The following VAV2 variants were observed in gnomAD, a reference collection of about 807,000 sequenced individuals.
VAV2 encodes the protein vav guanine nucleotide exchange factor 2, also known as guanine nucleotide exchange factor VAV2.
VAV2 carries 67 observed loss-of-function variants against 132.5 expected under a neutral mutation model. That is an observed-to-expected ratio of 0.51 (90% CI 0.42 to 0.62). The LOEUF (loss-of-function observed/expected upper bound fraction) is 0.62. Ranked by LOEUF, VAV2 falls within the 20% of genes least tolerant of loss-of-function variation. The probability of loss-of-function intolerance (pLI) is 0.00; values close to 1 mark genes in which losing one functional copy is unlikely to be tolerated. For synonymous variants in VAV2, 492 were observed against 443.5 expected (o/e 1.11, Z -1.37); for missense variants, 938 against 1,153.6 (o/e 0.81, Z 2.71).
chr9:133,983,290 G>T (rs1564524843), intron 1 of VAV2, among the ~76,000 whole-genome samples: 1 of 152,164 alleles, frequency 6.6e-6, no homozygotes, highest in Non-Finnish European at 1.5e-5. Flanking sequence ...TCAAAAGAGG[G>T]CATCACGCTG....
intron 1 of VAV2, among the ~76,000 whole-genome samples, chr9:133,966,326 T>TC (rs1292513470): frequency 3.3e-5 from 5 of 152,202 alleles, no homozygotes; most frequent in African/African-American, 1.2e-4. Flanking sequence ...AAGCAAACAA[T>TC]CAACAGAGTG....
chr9:133,794,175 C>T lies in VAV2; in HGVS notation c.1101+1493G>A. Among the ~76,000 whole-genome samples, 1 of 152,142 alleles carries T rather than the reference C, an allele frequency of 6.6e-6. No individual in the cohort carries two copies. Among genetic ancestry groups the T allele is most frequent in the Non-Finnish European group, 1.5e-5 (1 of 68,018 alleles). ...CACCTGCTGTCACTGTCTCAGAGCCCCCGAGGACGCATCCACGCTGGCTCA... is the reference window on the plus strand; with the variant it reads ...CACCTGCTGTCACTGTCTCAGAGCCTCCGAGGACGCATCCACGCTGGCTCA... On this transcript the variant is annotated intron_variant, in intron 12 of 29. Transcript: ENST00000371850. This position sits in a 1 kb window ranked among gnomAD's most constrained non-coding sequence, Gnocchi z 4.6.
chr9:133,901,160 C>T (rs1041486809), intron 2 of VAV2, among the ~76,000 whole-genome samples: 3 of 152,166 alleles, frequency 2.0e-5, no homozygotes, highest in African/African-American at 7.2e-5. Context: ...CCAACACTCT[C>T]AACTGATATT....
chr9:133,814,723 C>G (rs1326606177), intron 4 of VAV2, among the ~76,000 whole-genome samples: 2 of 152,192 alleles, frequency 1.3e-5, no homozygotes, highest in Non-Finnish European at 2.9e-5. Flanking sequence ...CTCTCCCCCA[C>G]CACTCAGGAG....
chr9:133,939,872 C>A (rs546923575), intron 1 of VAV2, among the ~76,000 whole-genome samples: 3 of 152,342 alleles, frequency 2.0e-5, no homozygotes, highest in African/African-American at 7.2e-5. Context: ...GGAGGGAGCA[C>A]AAAAGCCAGA....
chr9:133,911,706 C>G (rs1188853579), intron 2 of VAV2, among the ~76,000 whole-genome samples: 1 of 152,222 alleles, frequency 6.6e-6, no homozygotes, highest in African/African-American at 2.4e-5. Context: ...CTCCTGACCT[C>G]TGCATCACAC....
chr9:133,815,524 T>C (rs1011209647), intron 4 of VAV2, among the ~76,000 whole-genome samples: 4 of 152,106 alleles, frequency 2.6e-5, no homozygotes, highest in Non-Finnish European at 5.9e-5. Context: ...GCCTTGTCTG[T>C]AGAATGTCAA....
intron 2 of VAV2, among the ~76,000 whole-genome samples, chr9:133,897,088 C>A (rs1839239629): frequency 6.6e-6 from 1 of 151,980 alleles, no homozygotes; most frequent in Non-Finnish European, 1.5e-5. Flanking sequence ...AGCGAGACTC[C>A]ATCTCAAAAA....
At chr9:133,817,850 C>G (rs546218194) in intron 4 of VAV2, among the ~76,000 whole-genome samples, 1 of 152,092 alleles carries the variant, frequency 6.6e-6, no homozygotes, top group South Asian at 2.1e-4. Context: ...CCTCTAAGTC[C>G]GTGACCGTAT....
chr9:133,963,557 G>A (rs1842032743), intron 1 of VAV2, among the ~76,000 whole-genome samples: 1 of 152,234 alleles, frequency 6.6e-6, no homozygotes, highest in Non-Finnish European at 1.5e-5. Context: ...ACCAAGGTAG[G>A]CTTTCTACAC....
At chr9:133,893,561 C>G (rs1011733544) in intron 2 of VAV2, among the ~76,000 whole-genome samples, 1 of 152,210 alleles carries the variant, frequency 6.6e-6, no homozygotes, top group Non-Finnish European at 1.5e-5. Context: ...CCAAGATGGC[C>G]GACACCCACT....
chr9:133,894,764 T>C (rs1421536862), intron 2 of VAV2, among the ~76,000 whole-genome samples: 1 of 152,148 alleles, frequency 6.6e-6, no homozygotes, highest in Non-Finnish European at 1.5e-5. Context: ...GCGCCCACCC[T>C]GGACCCCCAG....
At chr9:133,871,435 T>C (rs1275509013) in intron 2 of VAV2, among the ~76,000 whole-genome samples, 2 of 147,234 alleles carry the variant, frequency 1.4e-5, no homozygotes, top group African/African-American at 5.1e-5. Context: ...GATGGATGGA[T>C]TGATTGATGG....
At chr9:133,955,106 C>T (rs1027213852) in intron 1 of VAV2, among the ~76,000 whole-genome samples, 26 of 152,016 alleles carry the variant, frequency 1.7e-4, no homozygotes, top group African/African-American at 5.1e-4. Flanking sequence ...TGGGAGGCAG[C>T]GGTGAGGTCG....
rs1564465499 is a variant in VAV2 at position 133,918,767 on chromosome 9, G to T, written c.321+20336C>A. On this transcript the variant is annotated intron_variant, in intron 2 of 29. Coordinates refer to ENST00000371850, the MANE Select transcript of VAV2 (RefSeq NM_001134398.2). The surrounding 1 kb of genome is among the most constrained non-coding windows in gnomAD (Gnocchi z 4.7). ...AGAAGCAGCCGCCATGTGTGTGTGT[G>T]TGTTTGTTTGTTTGTTTGTTTGTTT... Among the ~76,000 whole-genome samples, 2 of 151,800 alleles carry T rather than the reference G, an allele frequency of 1.3e-5. No homozygotes were observed. Among genetic ancestry groups the T allele is most frequent in the African/African-American group, 2.4e-5 (1 of 41,264 alleles).
chr9:133,856,208 G>C (rs961666650), intron 3 of VAV2, among the ~76,000 whole-genome samples: 2 of 152,246 alleles, frequency 1.3e-5, no homozygotes, highest in African/African-American at 4.8e-5. Flanking sequence ...GCAGATAGAG[G>C]TGGTGGTTGC....
chr9:133,795,846 C>G, intron 11 of VAV2, 110 bp from the exon 12 acceptor site: 1 of 1,178,640 alleles, frequency 8.5e-7, no homozygotes, highest in Admixed American at 2.3e-5. Flanking sequence ...CAGAAGAAAG[C>G]CACCCCCACC....
At chr9:133,785,988 ATGCATATG>A (rs1197789755) in intron 16 of VAV2, 103 bp from the exon 17 acceptor site, 1 of 1,024,374 alleles carries the variant, frequency 9.8e-7, no homozygotes, top group Non-Finnish European at 1.5e-6. Flanking sequence ...ACGTGTGTAT[ATGCATATG>A]TGCACAGGTG....
rs1180479653 is a variant in VAV2, at chr9:133,975,865, A to T, written c.204+16210T>A. On this transcript the variant is annotated intron_variant, in intron 1 of 29. Transcript: ENST00000371850. ...CCAGGAAGGCAGACGGGTCTCCTCC[A>T]ACCCTCCCACACTTCTTCTCTTGTC... Among the ~76,000 whole-genome samples, 3 of 152,046 alleles carry T rather than the reference A, an allele frequency of 2.0e-5. No individual in the cohort carries two copies. In the East Asian group the frequency reaches 5.8e-4, roughly 30 times the overall value.
Sources: gnomAD v4.1 joint callset for allele counts (sites outside exome capture counted in the v4.1 genomes callset) on GRCh38, gnomAD v4.1.1 for gene constraint, Gnocchi (gnomAD v3.1) non-coding constraint, MANE v1.5 for transcripts, NCBI Gene and HGNC (gene_info 2026-07-23, HGNC 2026-07-21) for gene names.